DGKB: variants seen among roughly 807,000 people sequenced by gnomAD.
DGKB encodes 90 kDa diacylglycerol kinase.
A neutral mutation model predicts 114.3 loss-of-function variants in DGKB; 67 were observed. The observed-to-expected ratio is 0.59, with a 90% CI of 0.48 to 0.72. DGKB has a LOEUF of 0.72. Among genes scored for constraint, DGKB ranks in the 30% least tolerant of loss-of-function variants. The probability of loss-of-function intolerance (pLI) is 0.00; values close to 1 mark genes in which losing one functional copy is unlikely to be tolerated. For missense variants in DGKB, 907 were observed against 975.2 expected, an observed-to-expected ratio of 0.93 and a Z score of 0.93; for synonymous variants, 398 against 323.1, an observed-to-expected ratio of 1.23 and a Z score of -2.49.
intron 14 of DGKB, among the ~76,000 whole-genome samples, chr7:14,623,529 C>A (rs1808026784): frequency 6.6e-6 from 1 of 152,022 alleles, no homozygotes; most frequent in African/African-American, 2.4e-5. Flanking sequence ...GAAAGTAAAG[C>A]TGTTTTTAAA....
intron 13 of DGKB, among the ~76,000 whole-genome samples, chr7:14,643,701 C>G (rs1812306422): frequency 6.6e-6 from 1 of 152,136 alleles, no homozygotes; most frequent in African/African-American, 2.4e-5. Flanking sequence ...AGCCACCTGT[C>G]TTATCTGCCG....
At chr7:14,297,811 A>G (rs1802842336) in intron 23 of DGKB, among the ~76,000 whole-genome samples, 1 of 152,118 alleles carries the variant, frequency 6.6e-6, no homozygotes, top group Non-Finnish European at 1.5e-5. Context: ...AAACCCCATC[A>G]TCTCAGCCCC....
At chr7:14,781,234 G>A (rs1839042335) in intron 2 of DGKB, among the ~76,000 whole-genome samples, 1 of 152,130 alleles carries the variant, frequency 6.6e-6, no homozygotes, top group Non-Finnish European at 1.5e-5. Context: ...GCAATATACT[G>A]GTATAAAGTG....
chr7:14,164,982 A>AG (rs1562509530), intron 25 of DGKB, among the ~76,000 whole-genome samples: 1 of 152,130 alleles, frequency 6.6e-6, no homozygotes, highest in Non-Finnish European at 1.5e-5. Flanking sequence ...TCCAAGAAAA[A>AG]TATTAAATAA....
At chr7:14,191,713 C>A (rs376855815) in intron 23 of DGKB, 2 of 345,392 alleles carry the variant, frequency 5.8e-6, no homozygotes, top group Non-Finnish European at 1.2e-5. Flanking sequence ...AGGATGTGCA[C>A]GTCAAAGATG....
At chr7:14,342,051 G>A (rs1811690083) in intron 22 of DGKB, among the ~76,000 whole-genome samples, 1 of 151,766 alleles carries the variant, frequency 6.6e-6, no homozygotes, top group African/African-American at 2.4e-5. Context: ...TGGGAACTCT[G>A]GCTATTGCCT....
intron 1 of DGKB, among the ~76,000 whole-genome samples, chr7:14,873,479 A>G (rs1852790020): frequency 6.6e-6 from 1 of 152,112 alleles, no homozygotes; most frequent in African/African-American, 2.4e-5. Flanking sequence ...CTATAAGTTT[A>G]GAAATTTACT....
At chr7:14,548,297 G>C (rs942122977) in intron 20 of DGKB, among the ~76,000 whole-genome samples, 2 of 152,146 alleles carry the variant, frequency 1.3e-5, no homozygotes, top group Admixed American at 1.3e-4. Flanking sequence ...GGGGAAAATA[G>C]ACCAACAGGT....
At chr7:14,539,202 T>A (rs554350761) in intron 20 of DGKB, among the ~76,000 whole-genome samples, 12 of 152,234 alleles carry the variant, frequency 7.9e-5, no homozygotes, top group African/African-American at 2.9e-4. Context: ...GGATGTAATG[T>A]ATATGTTTGT....
chr7:14,736,198 G>GAA lies in DGKB; in HGVS notation c.169-6_169-5dup. On this transcript the variant is annotated splice_region_variant and splice_polypyrimidine_tract_variant and intron_variant, in intron 4 of 25. Coordinates refer to ENST00000402815, the MANE Select transcript of DGKB (RefSeq NM_001350709.2). Reference sequence around the variant, plus strand: ...TGAAACCTTCAAAATCTATTGTCTGGAAAAAAAAAATGTAAACATGTATTT... The same window carrying GAA: ...TGAAACCTTCAAAATCTATTGTCTGGAAAAAAAAAAAATGTAAACATGTATTT... The GAA allele has an allele frequency of 1.1e-5, 13 of 1,161,132 alleles. No homozygotes were observed. In the Admixed American group the frequency reaches 1.3e-4, roughly 11 times the overall value. 71.9% of individuals were successfully genotyped at this position (1,161,132 alleles called of 1,614,324 possible).
At chr7:14,738,674 C>T (rs558376830) in intron 4 of DGKB, among the ~76,000 whole-genome samples, 1 of 152,110 alleles carries the variant, frequency 6.6e-6, no homozygotes, top group Non-Finnish European at 1.5e-5. Flanking sequence ...GAAGAAGAAG[C>T]CTCAAAGCCA....
intron 1 of DGKB, among the ~76,000 whole-genome samples, chr7:14,844,063 A>G (rs187745470): frequency 1.5e-4 from 23 of 152,352 alleles, no homozygotes; most frequent in African/African-American, 7.2e-5. Flanking sequence ...TTACTTGGTA[A>G]CAAGAAAGAT....
chr7:14,151,467 TAAA>T (rs36063590), intron 25 of DGKB, among the ~76,000 whole-genome samples: 2 of 138,002 alleles, frequency 1.4e-5, no homozygotes, highest in South Asian at 2.1e-4. Context: ...AAAAACTTTT[TAAA>T]AAAAAAAATT....
At chr7:14,847,701 G>C (rs1419129418) in intron 1 of DGKB, among the ~76,000 whole-genome samples, 2 of 152,048 alleles carry the variant, frequency 1.3e-5, no homozygotes, top group East Asian at 3.8e-4. Context: ...TATGAAAAAA[G>C]GCAACAAAGT....
chr7:14,290,577 T>C (rs970341184), intron 23 of DGKB, among the ~76,000 whole-genome samples: 10 of 152,154 alleles, frequency 6.6e-5, no homozygotes, highest in African/African-American at 2.4e-4. Context: ...TACCTGATTA[T>C]TGTTGGTGGT....
intron 2 of DGKB, among the ~76,000 whole-genome samples, chr7:14,806,344 C>A (rs948489893): frequency 6.6e-6 from 1 of 151,894 alleles, no homozygotes; most frequent in African/African-American, 2.4e-5. Flanking sequence ...CATTATATGG[C>A]TATAGAGTCT....
At chr7:14,701,635 A>T (rs1189117085) in intron 7 of DGKB, 46 bp downstream of exon 7, 3 of 1,395,188 alleles carry the variant, frequency 2.2e-6, no homozygotes, top group Non-Finnish European at 3.1e-6. Context: ...ATTCTTCAGA[A>T]GAAAATCTTT....
intron 23 of DGKB, among the ~76,000 whole-genome samples, chr7:14,293,023 A>T (rs547210645): frequency 3.3e-5 from 5 of 152,290 alleles, no homozygotes; most frequent in African/African-American, 1.2e-4. Flanking sequence ...AGGATGAGAG[A>T]GAGAAAGAGG....
At chr7:14,464,231 A>G (rs1833516557) in intron 21 of DGKB, among the ~76,000 whole-genome samples, 1 of 152,200 alleles carries the variant, frequency 6.6e-6, no homozygotes, top group South Asian at 2.1e-4. Context: ...AATTAAAGTA[A>G]TTGAATTTGA....
Sources: allele counts gnomAD v4.1 joint callset (sites outside exome capture counted in the v4.1 genomes callset), GRCh38; gene constraint gnomAD v4.1.1; transcripts MANE v1.5; gene names NCBI Gene and HGNC (gene_info 2026-07-23, HGNC 2026-07-21).